NME7: variants seen among roughly 807,000 people sequenced by gnomAD.
NME7 encodes the protein NME/NM23 family member 7.
NME7 carries 41 observed loss-of-function variants against 49.1 expected under a neutral mutation model. The ratio of observed to expected loss-of-function variants is 0.83; its 90% confidence interval spans 0.65 to 1.08. NME7 has a LOEUF of 1.08. Ranked by LOEUF, NME7 falls within the 50% of genes least tolerant of loss-of-function variation. NME7 has a pLI of 0.00. For missense variants in NME7, 423 were observed against 463.4 expected, an observed-to-expected ratio of 0.91 and a Z score of 0.80; for synonymous variants, 139 against 150.6, an observed-to-expected ratio of 0.92 and a Z score of 0.56.
intron 10 of NME7, among the ~76,000 whole-genome samples, chr1:169,205,974 G>GA (rs770039821): frequency 6.6e-6 from 1 of 151,966 alleles, no homozygotes; most frequent in Admixed American, 6.6e-5. Flanking sequence ...CTCCAGCCTG[G>GA]ATTGCTAGGT....
intron 6 of NME7, among the ~76,000 whole-genome samples, chr1:169,288,450 C>A (rs551295913): frequency 6.6e-6 from 1 of 152,260 alleles, no homozygotes; most frequent in Admixed American, 6.5e-5. Context: ...AGTTTCACCT[C>A]TTGCAAATAC....
chr1:169,150,245 C>T (rs1248166524), intron 11 of NME7, among the ~76,000 whole-genome samples: 1 of 151,820 alleles, frequency 6.6e-6, no homozygotes, highest in Non-Finnish European at 1.5e-5. Context: ...CATATTAAGC[C>T]CATAACAAAT....
chr1:169,191,695 G>GA (rs1304691597), intron 10 of NME7, among the ~76,000 whole-genome samples: 8 of 151,834 alleles, frequency 5.3e-5, no homozygotes, highest in African/African-American at 1.7e-4. Flanking sequence ...GGAGAAATCA[G>GA]AAAAAAAGAT....
intron 1 of NME7, among the ~76,000 whole-genome samples, chr1:169,355,067 TTATAGATATAATATATAATATAC>T (rs1405351207): frequency 4.5e-4 from 30 of 67,040 alleles, no homozygotes; most frequent in East Asian, 2.0e-3. Context: ...ATACTATATA[TTATAGATATAATATATAATATAC>T]TATATATTAT....
intron 10 of NME7, among the ~76,000 whole-genome samples, chr1:169,218,969 T>G (rs990430419): frequency 1.3e-5 from 2 of 152,208 alleles, no homozygotes; most frequent in African/African-American, 4.8e-5. Flanking sequence ...TTGCTGAAGA[T>G]CCAGACTTTC....
At chr1:169,156,409 A>C (rs1659076068) in intron 11 of NME7, among the ~76,000 whole-genome samples, 1 of 152,208 alleles carries the variant, frequency 6.6e-6, no homozygotes, top group African/African-American at 2.4e-5. Context: ...AAAAGTGCTG[A>C]GACAAAATGC....
chr1:169,137,801 G>A (rs1345159335), intron 11 of NME7, among the ~76,000 whole-genome samples: 1 of 152,212 alleles, frequency 6.6e-6, no homozygotes, highest in African/African-American at 2.4e-5. Context: ...GAAAGACTCA[G>A]AGGAAACATT....
intron 1 of NME7, among the ~76,000 whole-genome samples, chr1:169,355,981 C>G (rs922019592): frequency 6.6e-6 from 1 of 152,064 alleles, no homozygotes; most frequent in Non-Finnish European, 1.5e-5. Flanking sequence ...GTTTTTGACC[C>G]ATAATTCTAG....
Position 169,257,431 on chromosome 1 carries a change from G to A in NME7, c.755-19744C>T, listed in dbSNP as rs915851603. Reference sequence around the variant, plus strand: ...CCTCGCCCTGCTTCGGCTTGCGAACGGTACGCGCACCCACTGACCTGCGCC... The same window carrying A: ...CCTCGCCCTGCTTCGGCTTGCGAACAGTACGCGCACCCACTGACCTGCGCC... On this transcript the variant is annotated intron_variant, in intron 7 of 11. Transcript: ENST00000367811. Among the ~76,000 whole-genome samples, 6 of 133,718 alleles carry A rather than the reference G, an allele frequency of 4.5e-5. 2 individuals are homozygous for A. In the South Asian group the frequency reaches 1.4e-3, roughly 31 times the overall value. The allele number at this position is 133,718 out of a possible 152,430, so 87.7% of individuals were successfully genotyped here. A position where few individuals can be genotyped will look rare whatever the true frequency, so the allele number is the denominator to read the frequency against.
chr1:169,166,470 A>G (rs1234445508), intron 11 of NME7, among the ~76,000 whole-genome samples: 2 of 152,190 alleles, frequency 1.3e-5, no homozygotes, highest in Non-Finnish European at 2.9e-5. Context: ...TTATGGTGAT[A>G]AATTTAATAG....
intron 11 of NME7, among the ~76,000 whole-genome samples, chr1:169,145,432 C>G (rs1000306042): frequency 6.6e-6 from 1 of 152,196 alleles, no homozygotes; most frequent in Non-Finnish European, 1.5e-5. Flanking sequence ...GCTCTTCTCT[C>G]TTATGCCAGA....
At chr1:169,213,048 C>T (rs1660875911) in intron 10 of NME7, among the ~76,000 whole-genome samples, 1 of 151,952 alleles carries the variant, frequency 6.6e-6, no homozygotes, top group Non-Finnish European at 1.5e-5. Context: ...GTCAAGAGTC[C>T]TAAGTATAAC....
intron 3 of NME7, among the ~76,000 whole-genome samples, chr1:169,321,226 G>A (rs900032914): frequency 6.6e-6 from 1 of 152,260 alleles, no homozygotes; most frequent in African/African-American, 2.4e-5. Flanking sequence ...CAGGAATAGT[G>A]GTGCATGGCT....
chr1:169,136,398 G>C (rs4656177), intron 11 of NME7, among the ~76,000 whole-genome samples: 67,391 of 151,978 alleles, frequency 0.44, 15,394 homozygotes, highest in East Asian at 0.8. Context: ...TACCATAAAC[G>C]TTTGAAACCT....
intron 1 of NME7, among the ~76,000 whole-genome samples, chr1:169,365,570 T>C (rs1653821009): frequency 6.6e-6 from 1 of 152,164 alleles, no homozygotes; most frequent in African/African-American, 2.4e-5. Context: ...TTTTTTTTTT[T>C]TAAGTATGGA....
At chr1:169,219,267 T>C (rs1290133333) in intron 10 of NME7, among the ~76,000 whole-genome samples, 1 of 152,114 alleles carries the variant, frequency 6.6e-6, no homozygotes, top group Non-Finnish European at 1.5e-5. Context: ...ATCAAAAATA[T>C]TTGGAAAAAT....
At chr1:169,319,854 A>C (rs1483728319) in intron 3 of NME7, among the ~76,000 whole-genome samples, 1 of 152,202 alleles carries the variant, frequency 6.6e-6, no homozygotes, top group Non-Finnish European at 1.5e-5. Flanking sequence ...CTGAGACTCA[A>C]AAGGAATGAG....
chr1:169,343,658 A>AT (rs981759746), intron 1 of NME7, among the ~76,000 whole-genome samples: 1 of 151,514 alleles, frequency 6.6e-6, no homozygotes, highest in Non-Finnish European at 1.5e-5. Context: ...TGCCTGGCTA[A>AT]TTTTTTTTGT....
chr1:169,282,331 TTC>T (rs1650055169), intron 7 of NME7, among the ~76,000 whole-genome samples: 1 of 152,222 alleles, frequency 6.6e-6, no homozygotes, highest in Admixed American at 6.5e-5. Flanking sequence ...TATTTGATTC[TTC>T]TCTCTTTTCT....
Sources: allele counts gnomAD v4.1 joint callset (sites outside exome capture counted in the v4.1 genomes callset), GRCh38; gene constraint gnomAD v4.1.1; transcripts MANE v1.5; gene names NCBI Gene and HGNC (gene_info 2026-07-23, HGNC 2026-07-21).